Variants in SPPL3 observed in about 807,000 individuals in gnomAD.
SPPL3 encodes the protein signal peptide peptidase like 3.
Under a neutral mutation model 42.4 loss-of-function variants are expected in SPPL3, and 5 were observed. That is an observed-to-expected ratio of 0.12 (90% CI 0.06 to 0.25). The LOEUF (loss-of-function observed/expected upper bound fraction) is 0.25, where lower values mean the gene tolerates loss of function less well. Among genes scored for constraint, SPPL3 ranks in the 10% least tolerant of loss-of-function variants. The pLI, the probability that SPPL3 is intolerant of heterozygous loss-of-function variation, is 1.00. For missense variants in SPPL3, 235 were observed against 489.0 expected, an observed-to-expected ratio of 0.48 and a Z score of 4.90; for synonymous variants, 195 against 181.8, an observed-to-expected ratio of 1.07 and a Z score of -0.58.
intron 2 of SPPL3, among the ~76,000 whole-genome samples, chr12:120,808,411 G>A (rs1870575282): frequency 6.6e-6 from 1 of 152,078 alleles, no homozygotes; most frequent in Non-Finnish European, 1.5e-5. Context: ...GTTCACCAGA[G>A]AAATCCTTTC....
At chr12:120,896,451 C>CT (rs1206131978) in intron 1 of SPPL3, among the ~76,000 whole-genome samples, 2 of 152,100 alleles carry the variant, frequency 1.3e-5, no homozygotes, top group Non-Finnish European at 2.9e-5. Context: ...GCCTCTAACT[C>CT]TTTAAGTAAG....
At chr12:120,785,914 CA>C (rs11307959) in intron 3 of SPPL3, among the ~76,000 whole-genome samples, 24,556 of 85,830 alleles carry the variant, frequency 0.29, 2,672 homozygotes, top group African/African-American at 0.52. Flanking sequence ...GAGTCCAAGG[CA>C]AAAAAAAAAA....
chr12:120,809,205 C>T (rs769947319), intron 2 of SPPL3, among the ~76,000 whole-genome samples: 15 of 152,070 alleles, frequency 9.9e-5, no homozygotes, highest in Non-Finnish European at 1.8e-4. Flanking sequence ...ATTAGCCAGG[C>T]GTGGTGGCGG....
At chr12:120,775,848 G>A (rs1049222091) in intron 6 of SPPL3, among the ~76,000 whole-genome samples, 3 of 151,920 alleles carry the variant, frequency 2.0e-5, no homozygotes, top group Admixed American at 2.0e-4. Flanking sequence ...TTATTATCCT[G>A]TTTTCACTCT....
chr12:120,880,349 A>G (rs910554360), intron 1 of SPPL3, among the ~76,000 whole-genome samples: 1 of 152,130 alleles, frequency 6.6e-6, no homozygotes, highest in Admixed American at 6.5e-5. Context: ...GGGCTTCATG[A>G]CATTGGATTT....
At chr12:120,871,701 C>T (rs907869368) in intron 1 of SPPL3, among the ~76,000 whole-genome samples, 4 of 151,508 alleles carry the variant, frequency 2.6e-5, no homozygotes, top group African/African-American at 4.9e-5. Flanking sequence ...TGCAGCGAGC[C>T]GAGATTGTGC....
In SPPL3 at chr12:120,892,470, T is replaced by C. The variant is rs1593014457; in HGVS notation, c.23+11375A>G. ...CTTGAAAAATGGGTAGGAGTCAACA[T>C]GTTTAGAGACTTGGAAGAAGGGCAA... On this transcript the variant is annotated intron_variant, in intron 1 of 10. Coordinates refer to ENST00000353487, the MANE Select transcript of SPPL3 (RefSeq NM_139015.5). Among the ~76,000 whole-genome samples the C allele has an allele frequency of 2.6e-5, 4 of 152,114 alleles. No homozygotes were observed. In the South Asian group the frequency reaches 8.3e-4, roughly 32 times the overall value.
intron 3 of SPPL3, among the ~76,000 whole-genome samples, chr12:120,789,079 T>C (rs1362146716): frequency 6.6e-6 from 1 of 152,238 alleles, no homozygotes; most frequent in Non-Finnish European, 1.5e-5. Context: ...GTCCTTATCC[T>C]ATTGGCATCC....
chr12:120,879,767 T>C (rs1050390341), intron 1 of SPPL3, among the ~76,000 whole-genome samples: 1 of 152,020 alleles, frequency 6.6e-6, no homozygotes, highest in Non-Finnish European at 1.5e-5. Flanking sequence ...ATCTGTAAAA[T>C]GGGAAAAACA....
intron 1 of SPPL3, among the ~76,000 whole-genome samples, chr12:120,862,208 C>T (rs192874886): frequency 3.8e-4 from 58 of 152,252 alleles, no homozygotes; most frequent in Middle Eastern, 6.8e-3. Flanking sequence ...ACTCATTATA[C>T]ATTAACATAA....
intron 1 of SPPL3, among the ~76,000 whole-genome samples, chr12:120,891,536 A>C (rs1873640230): frequency 1.3e-5 from 2 of 152,148 alleles, no homozygotes; most frequent in South Asian, 4.1e-4. Flanking sequence ...GTTTCTATTA[A>C]AAAAATTTTT....
At chr12:120,784,673 C>A (rs944839365) in intron 3 of SPPL3, 80 bp from the exon 4 acceptor site, 191 of 1,140,454 alleles carry the variant, frequency 1.7e-4, no homozygotes, top group Non-Finnish European at 2.3e-4. Flanking sequence ...CATTAACTTG[C>A]AAAAATGCAG....
intron 1 of SPPL3, among the ~76,000 whole-genome samples, chr12:120,859,650 TAC>T (rs1872569116): frequency 6.6e-6 from 1 of 152,076 alleles, no homozygotes; most frequent in South Asian, 2.1e-4. Flanking sequence ...ACAGAAAACA[TAC>T]AGACTCAAAA....
chr12:120,895,319 T>C (rs1182172512), intron 1 of SPPL3, among the ~76,000 whole-genome samples: 6 of 150,600 alleles, frequency 4.0e-5, no homozygotes, highest in African/African-American at 1.5e-4. Context: ...CCCAGCTACT[T>C]TGGAGGCTGA....
rs1301689005 is a variant in SPPL3 at position 120,766,250 on chromosome 12, C to G, written c.1083+13G>C. The G allele has an allele frequency of 1.3e-6, 2 of 1,559,882 alleles. No homozygotes were observed. Among genetic ancestry groups the G allele is most frequent in the Admixed American group, 1.9e-5 (1 of 51,510 alleles). On this transcript the variant is annotated intron_variant, in intron 10 of 10. Transcript: ENST00000353487. Reference sequence around the variant, plus strand: ...AGTTATTGCTTTCACAGGTTTATAACTGCTGCTCTCACCTTTAAATAGGCC... The same window carrying G: ...AGTTATTGCTTTCACAGGTTTATAAGTGCTGCTCTCACCTTTAAATAGGCC...
At chr12:120,863,421 G>A (rs574279930) in intron 1 of SPPL3, among the ~76,000 whole-genome samples, 2 of 152,116 alleles carry the variant, frequency 1.3e-5, no homozygotes, top group African/African-American at 4.8e-5. Context: ...GAATGGTACC[G>A]TTTTACATTT....
chr12:120,858,289 C>A (rs1426999567), intron 1 of SPPL3, among the ~76,000 whole-genome samples: 1 of 151,824 alleles, frequency 6.6e-6, no homozygotes, highest in Non-Finnish European at 1.5e-5. Flanking sequence ...ATGGTGAAAC[C>A]CTATCTTTAA....
intron 1 of SPPL3, among the ~76,000 whole-genome samples, chr12:120,861,804 C>T (rs576036877): frequency 6.6e-6 from 1 of 152,196 alleles, no homozygotes; most frequent in East Asian, 1.9e-4. Flanking sequence ...ATTTCTGATA[C>T]CCAAGATTTC....
intron 1 of SPPL3, among the ~76,000 whole-genome samples, chr12:120,861,711 A>G (rs771261358): frequency 6.6e-6 from 1 of 152,224 alleles, no homozygotes; most frequent in Non-Finnish European, 1.5e-5. Flanking sequence ...TTTAAAAATC[A>G]TATGCCTGAA....
Sources: gnomAD v4.1 joint callset for allele counts (sites outside exome capture counted in the v4.1 genomes callset) on GRCh38, gnomAD v4.1.1 for gene constraint, MANE v1.5 for transcripts, NCBI Gene and HGNC (gene_info 2026-07-23, HGNC 2026-07-21) for gene names.